Variants in CABP1 observed in about 807,000 individuals in gnomAD.
CABP1 encodes the protein calcium binding protein 1, also known as calcium-binding protein 1.
A neutral mutation model predicts 34.3 loss-of-function variants in CABP1; 17 were observed. The ratio of observed to expected loss-of-function variants is 0.50; its 90% CI spans 0.34 to 0.74. The LOEUF is 0.74. Among genes scored for constraint, CABP1 ranks in the 30% least tolerant of loss-of-function variants. The pLI, the probability that CABP1 is intolerant of heterozygous loss-of-function variation, is 0.01. For missense variants in CABP1, 373 were observed against 511.1 expected (o/e 0.73, Z 2.61); for synonymous variants, 198 against 229.2 (o/e 0.86, Z 1.23).
intron 5 of CABP1, among the ~76,000 whole-genome samples, chr12:120,664,310 T>C (rs182768180): frequency 1.4e-4 from 22 of 152,218 alleles, no homozygotes; most frequent in Admixed American, 9.8e-4. Context: ...CTGTGCCAAG[T>C]TGCAGGGAGG....
At chr12:120,662,857 G>A (rs1198403356) in intron 5 of CABP1, among the ~76,000 whole-genome samples, 7 of 151,306 alleles carry the variant, frequency 4.6e-5, no homozygotes, top group Admixed American at 4.6e-4. Context: ...GCTAGTTTTT[G>A]TATTTTCAGT....
At chr12:120,676,429 T>C in the CABP1 span, among the ~76,000 whole-genome samples, 1 of 148,986 alleles carries the variant, frequency 6.7e-6, no homozygotes, top group Non-Finnish European at 1.5e-5. Context: ...TCTTTCTTCT[T>C]CTTCTTTTTT....
intron 1 of CABP1, chr12:120,650,798 T>A: frequency 9.6e-7 from 1 of 1,043,752 alleles, no homozygotes. Context: ...CCAGGGGTTC[T>A]GTCCAGGGCT....
chr12:120,655,685 G>A, intron 1 of CABP1: 1 of 1,430,856 alleles, frequency 7.0e-7, no homozygotes, highest in South Asian at 1.5e-5. Flanking sequence ...TTGGGAGGTT[G>A]GGAGCATTTT....
chr12:120,642,386 A>C (rs1205974615), intron 1 of CABP1, among the ~76,000 whole-genome samples: 4 of 152,140 alleles, frequency 2.6e-5, no homozygotes, highest in Non-Finnish European at 5.9e-5. Flanking sequence ...CAGAATTCCA[A>C]GGAGGCCCTG....
chr12:120,647,571 T>C (rs1879600397), intron 1 of CABP1, among the ~76,000 whole-genome samples: 1 of 136,892 alleles, frequency 7.3e-6, no homozygotes. Context: ...TTTTTTTTTT[T>C]TTTTTTTTTT....
chr12:120,658,134 T>G (rs916944395), intron 1 of CABP1, among the ~76,000 whole-genome samples: 2 of 137,072 alleles, frequency 1.5e-5, no homozygotes, highest in Admixed American at 1.6e-4. Context: ...CACTCTCTTG[T>G]CCAGGTGGAA....
At chr12:120,645,978 G>A (rs1879521479) in intron 1 of CABP1, among the ~76,000 whole-genome samples, 1 of 152,212 alleles carries the variant, frequency 6.6e-6, no homozygotes, top group South Asian at 2.1e-4. Context: ...TTGAGCCCAA[G>A]AGTTTGAGGC....
chr12:120,656,470 T>C (rs1565998634), intron 1 of CABP1, among the ~76,000 whole-genome samples: 1 of 152,150 alleles, frequency 6.6e-6, no homozygotes, highest in Non-Finnish European at 1.5e-5. Context: ...ATAATAATAA[T>C]AATATCAGAT....
the CABP1 span, among the ~76,000 whole-genome samples, chr12:120,675,991 G>A: frequency 2.2e-4 from 34 of 152,208 alleles, 1 homozygote; most frequent in Admixed American, 1.4e-3. Context: ...CAGGGGAATC[G>A]CTTGAACCTG....
intron 1 of CABP1, among the ~76,000 whole-genome samples, chr12:120,646,645 C>G (rs765081002): frequency 6.6e-6 from 1 of 152,136 alleles, no homozygotes; most frequent in Non-Finnish European, 1.5e-5. Context: ...TCCTGAGTAT[C>G]TATGACCAGG....
At chr12:120,650,046 TGTGTGCGCGCGCG>T (rs1565995517) in intron 1 of CABP1, 1 of 150,842 alleles carries the variant, frequency 6.6e-6, no homozygotes, top group Non-Finnish European at 1.5e-5. Context: ...TGTGTGTGTG[TGTGTGCGCGCGCG>T]CACACACACA....
At position 120,661,587 on chromosome 12, in the gene CABP1, C is replaced by A; in HGVS notation, c.1087+369C>A. On this transcript the variant is annotated intron_variant, in intron 5 of 5. Coordinates refer to ENST00000316803, the MANE Select transcript of CABP1 (RefSeq NM_001033677.2). The surrounding 1 kb of genome is among the most constrained non-coding windows in gnomAD (Gnocchi z 5.1). ...CCATCTGTCCATTTATCCATTCATC[C>A]ATTCATCTACCTATCTATCTATCTG... The A allele has an allele frequency of 5.2e-6, 1 of 192,564 alleles. No homozygotes were observed. The highest frequency in any genetic ancestry group is 1.4e-4 in the East Asian group (1 of 7,378). The allele number at this position is 192,564 out of a possible 1,614,324, so 11.9% of individuals were successfully genotyped here. A position where few individuals can be genotyped will look rare whatever the true frequency, so the allele number is the denominator to read the frequency against.
chr12:120,666,840 C>T, intron 5 of CABP1, 35 bp from the exon 6 acceptor site: 1 of 1,592,758 alleles, frequency 6.3e-7, no homozygotes, highest in Non-Finnish European at 8.5e-7. Context: ...CCTCTGGCTG[C>T]TGCTTGCTCC....
At chr12:120,647,924 G>A (rs1344071086) in intron 1 of CABP1, among the ~76,000 whole-genome samples, 2 of 151,988 alleles carry the variant, frequency 1.3e-5, no homozygotes, top group East Asian at 3.9e-4. Flanking sequence ...AACACTGGCT[G>A]CAGGTTAGAA....
At chr12:120,653,338 T>C (rs1160537666) in intron 1 of CABP1, among the ~76,000 whole-genome samples, 2 of 152,128 alleles carry the variant, frequency 1.3e-5, no homozygotes, top group Non-Finnish European at 2.9e-5. Flanking sequence ...TCATTACTTG[T>C]CGCAGGAATC....
At chr12:120,680,632 G>A in the CABP1 span, among the ~76,000 whole-genome samples, 3 of 152,144 alleles carry the variant, frequency 2.0e-5, no homozygotes, top group Non-Finnish European at 4.4e-5. Flanking sequence ...GGGCCACCTG[G>A]GGACTGACAC....
chr12:120,648,090 C>T (rs1218755195), intron 1 of CABP1, among the ~76,000 whole-genome samples: 1 of 152,194 alleles, frequency 6.6e-6, no homozygotes, highest in South Asian at 2.1e-4. Context: ...CATATATCCA[C>T]CCATTCATAC....
At chr12:120,658,734 A>T (rs1048341079) in intron 1 of CABP1, among the ~76,000 whole-genome samples, 4 of 152,014 alleles carry the variant, frequency 2.6e-5, no homozygotes, top group Admixed American at 1.3e-4. Flanking sequence ...TGCACAGTGG[A>T]GGTGCCACAC....
Sources: allele counts gnomAD v4.1 joint callset (sites outside exome capture counted in the v4.1 genomes callset), GRCh38; gene constraint gnomAD v4.1.1; non-coding constraint Gnocchi (gnomAD v3.1); transcripts MANE v1.5; gene names NCBI Gene and HGNC (gene_info 2026-07-23, HGNC 2026-07-21).